The following RHBDF2 variants were observed in gnomAD, a reference collection of about 807,000 sequenced individuals.
RHBDF2 encodes the protein rhomboid 5 homolog 2.
A neutral mutation model predicts 95.2 loss-of-function variants in RHBDF2; 38 were observed. The ratio of observed to expected loss-of-function variants is 0.40; its 90% CI spans 0.31 to 0.52. The LOEUF (loss-of-function observed/expected upper bound fraction) is 0.52. Ranked by LOEUF, RHBDF2 falls within the 20% of genes least tolerant of loss-of-function variation. The probability of loss-of-function intolerance (pLI) is 0.56; values close to 1 mark genes in which losing one functional copy is unlikely to be tolerated. For synonymous variants in RHBDF2, 442 were observed against 462.0 expected, an observed-to-expected ratio of 0.96 and a Z score of 0.55; for missense variants, 863 against 1,137.7, an observed-to-expected ratio of 0.76 and a Z score of 3.47.
At chr17:76,483,833 C>A (rs1323475243) in intron 2 of RHBDF2, among the ~76,000 whole-genome samples, 1 of 152,168 alleles carries the variant, frequency 6.6e-6, no homozygotes, top group Non-Finnish European at 1.5e-5. Context: ...TGCCCAGTAC[C>A]CCATCTGGGG....
intron 15 of RHBDF2, 129 bp from the exon 16 acceptor site, chr17:76,473,456 T>C (rs2073655719): frequency 2.0e-6 from 2 of 998,278 alleles, no homozygotes; most frequent in Admixed American, 4.1e-5. Context: ...TCCAGAACCT[T>C]CGACTCTGGA....
chr17:76,473,689 G>A lies in RHBDF2; in HGVS notation c.1692C>T (p.Cys564=), dbSNP rs535334733. Residue 564 remains cysteine, a synonymous_variant, in exon 15 of 19, where the codon TGC becomes TGT. Transcript: ENST00000675367. ...TGCAGCAGGGGCGGCCCTTGATCTC[G>A]CAGTCCATGTGCAGGAAGCCTGTGT... is the stretch of plus-strand genomic sequence containing the variant. ...SNHTGFLHMD[C]EIKGRPCCIG... 30 of 1,612,010 alleles carry A rather than the reference G, an allele frequency of 1.9e-5. No individual in the cohort carries two copies. Among genetic ancestry groups the A allele is most frequent in the Middle Eastern group, 1.7e-4 (1 of 5,910 alleles).
At chr17:76,472,452 C>T (rs752612521) in intron 18 of RHBDF2, 9 of 639,938 alleles carry the variant, frequency 1.4e-5, no homozygotes, top group Non-Finnish European at 2.0e-5. Flanking sequence ...GCAGTGGGCA[C>T]GGTTAGGAAG....
rs528079382 is a variant in RHBDF2, at chr17:76,477,350, C to A, written c.802-52G>T. 4.6e-5 allele frequency: 73 copies of A among 1,570,174 alleles called. No individual in the cohort carries two copies. The African/African-American group carries it at 9.4e-4, about 20-fold the overall frequency. The stretch of plus-strand genomic sequence containing the variant: ...TGTAAGGAGTCTGTCCCAAACACTG[C>A]CCCCCGGAACCTCAATTCAAGGGCA... On this transcript the variant is annotated intron_variant, in intron 7 of 18. Coordinates refer to ENST00000675367, the MANE Select transcript of RHBDF2 (RefSeq NM_001005498.4).
Position 76,476,986 on chromosome 17 carries a change from C to A in RHBDF2, c.959G>T (p.Arg320Leu). Residue 320 changes from arginine to leucine, a missense_variant, in exon 9 of 19, where the codon CGC becomes CTC. Coordinates refer to ENST00000675367, the MANE Select transcript of RHBDF2 (RefSeq NM_001005498.4). ...YGRAPVPGPR[R>L]GKRIASKVKH... ...CACCTTGGAGGCGATGCGCTTGCCG[C>A]GCCGGGGCCCGGGGACTGGGGCTCG... 6.2e-7 allele frequency: 1 copy of A among 1,613,862 alleles called. No individual in the cohort carries two copies. The highest frequency in any genetic ancestry group is 8.5e-7 in the Non-Finnish European group (1 of 1,180,038).
chr17:76,482,425 G>A (rs888604556), intron 2 of RHBDF2, among the ~76,000 whole-genome samples: 2 of 152,064 alleles, frequency 1.3e-5, no homozygotes, highest in African/African-American at 2.4e-5. Flanking sequence ...GGCCTCCCAA[G>A]TGCTGGGATT....
Position 76,472,758 on chromosome 17 carries a change from G to A in RHBDF2, c.1992C>T (p.Ile664=), listed in dbSNP as rs138978104. The change falls in exon 18 of 19, where the codon ATC becomes ATT. Residue 664 remains isoleucine, a synonymous_variant. Coordinates refer to ENST00000675367, the MANE Select transcript of RHBDF2 (RefSeq NM_001005498.4). ...TGCCACTGAGGATGAAGATGATGGC[G>A]ATACGGTGCCAGCCGGCCAGCTTCT... ...DLEKLAGWHR[I]AIIFILSGIT... 1.4e-5 allele frequency: 23 copies of A among 1,613,374 alleles called. No individual in the cohort carries two copies. The highest frequency in any genetic ancestry group is 9.3e-5 in the African/African-American group (7 of 74,910).
rs778893505 is a variant in RHBDF2 at position 76,475,066 on chromosome 17, T to C, written c.1191A>G (p.Ala397=). 14 of 1,596,118 alleles carry C rather than the reference T, an allele frequency of 8.8e-6. No individual in the cohort carries two copies. The highest frequency in any genetic ancestry group is 1.6e-4 in the Middle Eastern group (1 of 6,062). ...TLLVICTYGI[A]PVGFAQHVTT... Reference sequence around the variant, plus strand: ...TGACGTGCTGGGCAAAGCCCACGGGTGCGATGCCATACGTGCAAATCACCA... The same window carrying C: ...TGACGTGCTGGGCAAAGCCCACGGGCGCGATGCCATACGTGCAAATCACCA... Residue 397 remains alanine (A), a synonymous_variant, in exon 10 of 19, where the codon GCA becomes GCG. Transcript: ENST00000675367.
intron 1 of RHBDF2, among the ~76,000 whole-genome samples, chr17:76,491,810 C>A (rs2074309524): frequency 6.6e-6 from 1 of 152,204 alleles, no homozygotes; most frequent in East Asian, 1.9e-4. Flanking sequence ...GACTGTCAGA[C>A]CCACTCTGGC....
chr17:76,499,951 G>T (rs571312283), intron 1 of RHBDF2, among the ~76,000 whole-genome samples: 2 of 152,250 alleles, frequency 1.3e-5, no homozygotes, highest in East Asian at 3.9e-4. Flanking sequence ...GCTTCCTGCA[G>T]GGCCAGTGGA....
intron 1 of RHBDF2, among the ~76,000 whole-genome samples, chr17:76,491,464 A>G (rs1356267043): frequency 6.6e-6 from 1 of 150,966 alleles, no homozygotes; most frequent in Admixed American, 6.6e-5. Flanking sequence ...GTGGCCTGAC[A>G]CCAGACAGCA....
intron 1 of RHBDF2, among the ~76,000 whole-genome samples, chr17:76,490,449 G>A (rs1461168107): frequency 6.6e-6 from 1 of 152,148 alleles, no homozygotes; most frequent in Non-Finnish European, 1.5e-5. Context: ...ACAGCTCCAG[G>A]ACAACAGCCT....
chr17:76,491,122 G>A (rs935636156), intron 1 of RHBDF2, among the ~76,000 whole-genome samples: 3 of 152,206 alleles, frequency 2.0e-5, no homozygotes, highest in Admixed American at 6.5e-5. Flanking sequence ...CTGCCCTGCT[G>A]GCTCCGTACC....
chr17:76,481,356 C>A lies in RHBDF2; in HGVS notation c.150+19G>T. The A allele has an allele frequency of 6.2e-7, 1 of 1,602,902 alleles. No individual in the cohort carries two copies. On this transcript the variant is annotated intron_variant, in intron 3 of 18. Transcript: ENST00000675367. ...GTTACCTACGGCAGAACAGTGAGCCCCCAGGCCAGCCCCCTTACCTCAGGC... is the reference window on the plus strand; with the variant it reads ...GTTACCTACGGCAGAACAGTGAGCCACCAGGCCAGCCCCCTTACCTCAGGC...
At chr17:76,475,251 T>C in intron 9 of RHBDF2, 110 bp from the exon 10 acceptor site, 1 of 716,076 alleles carries the variant, frequency 1.4e-6, no homozygotes, top group East Asian at 2.7e-5. Flanking sequence ...CTCCCTGTTC[T>C]GCCCCGTCAA....
At chr17:76,473,390 C>T in intron 15 of RHBDF2, 63 bp from the exon 16 acceptor site, 1 of 1,435,304 alleles carries the variant, frequency 7.0e-7, no homozygotes, top group Non-Finnish European at 9.6e-7. Flanking sequence ...CCACCTTTGC[C>T]CAGAGCCCAG....
At chr17:76,493,455 A>G (rs2074356263) in intron 1 of RHBDF2, among the ~76,000 whole-genome samples, 1 of 152,154 alleles carries the variant, frequency 6.6e-6, no homozygotes, top group Non-Finnish European at 1.5e-5. Flanking sequence ...AAGAGGTAGA[A>G]GGGGCAAGAG....
intron 4 of RHBDF2, 120 bp from the exon 5 acceptor site, chr17:76,479,397 C>A: frequency 7.0e-7 from 1 of 1,422,280 alleles, no homozygotes; most frequent in Non-Finnish European, 9.6e-7. Context: ...GGGGGCGGAT[C>A]TGCCTGTGAG....
chr17:76,472,294 AC>A (rs1265313459), intron 18 of RHBDF2: 2 of 597,520 alleles, frequency 3.3e-6, no homozygotes, highest in Non-Finnish European at 5.9e-6. Context: ...AATAAGCAAG[AC>A]AGACAAGCCT....
Sources: gnomAD v4.1 joint callset for allele counts (sites outside exome capture counted in the v4.1 genomes callset) on GRCh38, gnomAD v4.1.1 for gene constraint, MANE v1.5 for transcripts, NCBI Gene and HGNC (gene_info 2026-07-23, HGNC 2026-07-21) for gene names.